TMEM164: variants seen among roughly 807,000 people sequenced by gnomAD.
The protein encoded by TMEM164 is RP13-360B22.2.
TMEM164 carries 4 observed loss-of-function variants against 18.8 expected under a neutral mutation model. That is an observed-to-expected ratio of 0.21 (90% CI 0.10 to 0.49). TMEM164 has a LOEUF of 0.49. Ranked by LOEUF, TMEM164 falls within the 20% of genes least tolerant of loss-of-function variation. The probability of loss-of-function intolerance (pLI) is 0.98; values close to 1 mark genes in which losing one functional copy is unlikely to be tolerated. For synonymous variants in TMEM164, 86 were observed against 101.7 expected (o/e 0.85, Z 0.93); for missense variants, 108 against 239.9 (o/e 0.45, Z 3.63).
chrX:110,181,351 G>A (rs2067323184), downstream of TMEM164, among the ~76,000 whole-genome samples: 1 of 112,319 alleles, frequency 8.9e-6, no homozygotes, highest in African/African-American at 3.2e-5. Flanking sequence ...GAGGTGTACA[G>A]ATTCTTCCTC....
intron 2 of TMEM164, among the ~76,000 whole-genome samples, chrX:110,037,135 A>T (rs1433560107): frequency 9.0e-6 from 1 of 110,690 alleles, no homozygotes; most frequent in Non-Finnish European, 1.9e-5. Context: ...AGAGAGGGGA[A>T]GCCATAAGTT....
At chrX:110,052,854 G>T (rs898798295) in intron 2 of TMEM164, among the ~76,000 whole-genome samples, 1 of 104,930 alleles carries the variant, frequency 9.5e-6, no homozygotes, top group Admixed American at 1.1e-4. Context: ...AGGTTCAAGC[G>T]ATTCTCCTGC....
rs183794933 is a variant in TMEM164 at position 110,078,446 on chromosome X, A to G, written c.440+11050A>G. 5.2e-3 allele frequency among the ~76,000 whole-genome samples: 581 copies of G among 112,250 alleles called. 11 individuals are homozygous for G. The highest frequency in any genetic ancestry group is 0.046 in the Admixed American group (484 of 10,519). On this transcript the variant is annotated intron_variant, in intron 3 of 6. Coordinates refer to ENST00000372068, the MANE Select transcript of TMEM164 (RefSeq NM_032227.4). ...GCCATCCAGATTCTGAATTCTGTGTATGTCCTTTCAGACATTTCAATCTGG... is the reference window on the plus strand; with the variant it reads ...GCCATCCAGATTCTGAATTCTGTGTGTGTCCTTTCAGACATTTCAATCTGG...
intron 4 of TMEM164, among the ~76,000 whole-genome samples, chrX:110,111,536 G>A (rs1025280613): frequency 8.9e-6 from 1 of 112,086 alleles, no homozygotes; most frequent in African/African-American, 3.2e-5. Context: ...AAAGGAAGGT[G>A]CATCAGAAAA....
intron 3 of TMEM164, among the ~76,000 whole-genome samples, chrX:110,084,710 T>C: frequency 9.3e-6 from 1 of 108,074 alleles, no homozygotes; most frequent in Non-Finnish European, 1.9e-5. Flanking sequence ...ATTTGTGTTT[T>C]CTACTTTGAT....
intron 3 of TMEM164, among the ~76,000 whole-genome samples, chrX:110,085,107 T>A (rs1336689498): frequency 9.1e-6 from 1 of 109,616 alleles, no homozygotes; most frequent in Non-Finnish European, 1.9e-5. Context: ...TCCTCTGAGT[T>A]GTCAGAGTGA....
intron 4 of TMEM164, among the ~76,000 whole-genome samples, chrX:110,135,670 A>T (rs1217469707): frequency 1.8e-5 from 2 of 112,390 alleles, no homozygotes; most frequent in East Asian, 5.5e-4. Flanking sequence ...TTAAATATTT[A>T]AAAATTCCTA....
intron 2 of TMEM164, among the ~76,000 whole-genome samples, chrX:110,022,017 A>C (rs1026586013): frequency 9.0e-6 from 1 of 111,624 alleles, no homozygotes; most frequent in Admixed American, 9.5e-5. Context: ...GCAGCAGATA[A>C]TAAAACACAA....
chrX:110,131,590 G>A (rs2066612667), intron 4 of TMEM164, among the ~76,000 whole-genome samples: 1 of 111,280 alleles, frequency 9.0e-6, no homozygotes, highest in African/African-American at 3.3e-5. Flanking sequence ...AGGAATGTTA[G>A]GCCTGGGCAA....
At chrX:110,105,707 CACACACACACACAG>C (rs1391701795) in intron 3 of TMEM164, among the ~76,000 whole-genome samples, 1 of 98,527 alleles carries the variant, frequency 1.0e-5, no homozygotes, top group Non-Finnish European at 2.0e-5. Flanking sequence ...CACACACACA[CACACACACACACAG>C]ACACACACAC....
chrX:110,031,173 A>G (rs1489218524), intron 2 of TMEM164, among the ~76,000 whole-genome samples: 1 of 111,884 alleles, frequency 8.9e-6, no homozygotes, highest in Non-Finnish European at 1.9e-5. Flanking sequence ...TTCTGTTCCT[A>G]TGTTAATTTG....
chrX:110,035,171 G>A (rs1034983197), intron 2 of TMEM164, among the ~76,000 whole-genome samples: 3 of 107,887 alleles, frequency 2.8e-5, no homozygotes, highest in African/African-American at 1.0e-4. Context: ...GTATACATAT[G>A]TAACTAACAT....
intron 2 of TMEM164, among the ~76,000 whole-genome samples, chrX:110,013,694 G>T (rs1173769089): frequency 9.0e-6 from 1 of 111,527 alleles, no homozygotes; most frequent in Non-Finnish European, 1.9e-5. Flanking sequence ...TCCTGGGTTT[G>T]GGTTTGAGCT....
Position 110,127,060 on chromosome X carries a change from G to T in TMEM164, c.508-17738G>T, listed in dbSNP as rs945112523. On this transcript the variant is annotated intron_variant, in intron 4 of 6. Coordinates refer to ENST00000372068, the MANE Select transcript of TMEM164 (RefSeq NM_032227.4). ...TAGGCCAGAGGTCAACTGTAACTTG[G>T]GCCAAAGGTGCCTTCTGTTTCCAGT... is the stretch of plus-strand genomic sequence containing the variant. Among the ~76,000 whole-genome samples, 5 of 110,958 alleles carry T rather than the reference G, an allele frequency of 4.5e-5. No individual in the cohort carries two copies. The South Asian group carries it at 1.2e-3, about 26-fold the overall frequency.
At chrX:110,074,831 A>AG (rs2065647858) in intron 3 of TMEM164, among the ~76,000 whole-genome samples, 1 of 111,708 alleles carries the variant, frequency 9.0e-6, no homozygotes, top group African/African-American at 3.3e-5. Context: ...CTGTTTTTGT[A>AG]CCACTACCAT....
chrX:110,007,019 A>G (rs1468332571), intron 2 of TMEM164, among the ~76,000 whole-genome samples: 1 of 112,258 alleles, frequency 8.9e-6, no homozygotes, highest in Non-Finnish European at 1.9e-5. Context: ...TTCCTCAGAG[A>G]GTCAGTGTAA....
rs999054417 is a variant in TMEM164 at position 110,176,498 on chromosome X, G to T, written c.*3047G>T. ...TTCATCGCATTCATAGAAGCTGCTTGCAGGGTCGCCGGGCTAACCAGGGTG... is the reference window on the plus strand; with the variant it reads ...TTCATCGCATTCATAGAAGCTGCTTTCAGGGTCGCCGGGCTAACCAGGGTG... On this transcript the variant is annotated 3_prime_UTR_variant, in exon 7 of 7. Transcript: ENST00000372068. The T allele has an allele frequency of 1.3e-5, 9 of 705,356 alleles. No homozygotes were observed. The highest frequency in any genetic ancestry group is 1.3e-5 in the Non-Finnish European group (8 of 593,748). The allele number at this position is 705,356 out of a possible 1,213,427, so 58.1% of individuals were successfully genotyped here.
chrX:110,054,924 A>G (rs1935748789), intron 2 of TMEM164, among the ~76,000 whole-genome samples: 1 of 111,867 alleles, frequency 8.9e-6, no homozygotes. Context: ...TCTGATATCA[A>G]GGTACCTGAA....
chrX:110,180,337 C>G (rs754885604), downstream of TMEM164, among the ~76,000 whole-genome samples: 11 of 112,535 alleles, frequency 9.8e-5, no homozygotes, highest in Non-Finnish European at 1.9e-4. Flanking sequence ...TTCCCTTGTC[C>G]TGGTTTGCCA....
Sources: gnomAD v4.1 joint callset for allele counts (sites outside exome capture counted in the v4.1 genomes callset) on GRCh38, gnomAD v4.1.1 for gene constraint, MANE v1.5 for transcripts, NCBI Gene and HGNC (gene_info 2026-07-23, HGNC 2026-07-21) for gene names.